The following TTC8 variants were observed in gnomAD, a reference collection of about 807,000 sequenced individuals.
TTC8 encodes tetratricopeptide repeat domain 8.
A neutral mutation model predicts 72.5 loss-of-function variants in TTC8; 47 were observed. The observed-to-expected ratio is 0.65, with a 90% CI of 0.51 to 0.83. The LOEUF is 0.83. Ranked by LOEUF, TTC8 falls within the 40% of genes least tolerant of loss-of-function variation. TTC8 has a pLI of 0.00. For synonymous variants in TTC8, 199 were observed against 221.4 expected, an observed-to-expected ratio of 0.90 and a Z score of 0.90; for missense variants, 611 against 623.2, an observed-to-expected ratio of 0.98 and a Z score of 0.21.
At position 88,876,785 on chromosome 14, in the gene TTC8, A is replaced by C. The variant is rs1378818618; in HGVS notation, c.1432-509A>C. Among the ~76,000 whole-genome samples the C allele has an allele frequency of 4.6e-5, 7 of 152,128 alleles. 1 individual carries two copies. Among genetic ancestry groups the C allele is most frequent in the Admixed American group, 4.6e-4 (7 of 15,266 alleles). ...CCAGCACCACTTAAAACCTCTCAAA[A>C]CATGTTATTATGCCTTAAATACAGC... is the stretch of plus-strand genomic sequence containing the variant. On this transcript the variant is annotated intron_variant, in intron 14 of 14. Transcript: ENST00000380656.
chr14:88,839,308 C>T, intron 2 of TTC8, 144 bp from the exon 3 acceptor site: 5 of 761,412 alleles, frequency 6.6e-6, no homozygotes, highest in Non-Finnish European at 1.0e-5. Flanking sequence ...TTTGACATGG[C>T]CCTTTAAATT....
intron 14 of TTC8, 129 bp downstream of exon 14, chr14:88,875,238 A>T: frequency 1.3e-6 from 1 of 760,350 alleles, no homozygotes; most frequent in Non-Finnish European, 2.2e-6. Context: ...AAAACTCTTA[A>T]TTACTGCATT....
At chr14:88,829,129 G>A (rs1595925726) in intron 1 of TTC8, among the ~76,000 whole-genome samples, 2 of 152,264 alleles carry the variant, frequency 1.3e-5, no homozygotes, top group African/African-American at 4.8e-5. Context: ...GCCAGCCGGG[G>A]TCTGTAAGCA....
intron 1 of TTC8, among the ~76,000 whole-genome samples, chr14:88,831,294 T>A (rs1188998722): frequency 6.6e-6 from 1 of 152,198 alleles, no homozygotes; most frequent in Non-Finnish European, 1.5e-5. Context: ...AAGTTCTAAA[T>A]AACTTGTTCC....
intron 12 of TTC8, 58 bp from the exon 13 acceptor site, chr14:88,872,272 A>C: frequency 1.9e-6 from 3 of 1,609,322 alleles, no homozygotes; most frequent in Non-Finnish European, 1.7e-6. Flanking sequence ...CCTATGAGGA[A>C]AGAAGGGAGG....
Position 88,841,024 on chromosome 14 carries a change from A to T in TTC8, c.330-13A>T. On this transcript the variant is annotated splice_polypyrimidine_tract_variant and intron_variant, in intron 4 of 14. Transcript: ENST00000380656. ...GATCTTCTTTGTATTATAACAATTT[A>T]TAATCTTCACAGGCCAATCACACAA... is the stretch of plus-strand genomic sequence containing the variant. The T allele has an allele frequency of 6.2e-7, 1 of 1,614,108 alleles. No homozygotes were observed. Among genetic ancestry groups the T allele is most frequent in the Non-Finnish European group, 8.5e-7 (1 of 1,179,994 alleles).
chr14:88,868,655 C>G lies in TTC8; in HGVS notation c.910-1404C>G, dbSNP rs73329022. Among the ~76,000 whole-genome samples the G allele has an allele frequency of 8.7e-3, 1,323 of 152,126 alleles. 15 individuals are homozygous for G. The highest frequency in any genetic ancestry group is 0.03 in the African/African-American group (1,266 of 41,518). ...AAAATGGATAGCATCTTTTTATGGC[C>G]AAGTGGCAGTTGCCATGTAGTTGTC... On this transcript the variant is annotated intron_variant, in intron 10 of 14. Transcript: ENST00000380656.
At chr14:88,830,729 T>G (rs1253724045) in intron 1 of TTC8, 5 of 408,388 alleles carry the variant, frequency 1.2e-5, no homozygotes, top group African/African-American at 6.2e-5. Context: ...AGAAATAGTT[T>G]GCTAGACTAA....
chr14:88,846,594 A>G, intron 7 of TTC8: 1 of 1,417,362 alleles, frequency 7.1e-7, no homozygotes, highest in Non-Finnish European at 9.5e-7. Flanking sequence ...TTTTTTATTA[A>G]TAGATTCATC....
intron 1 of TTC8, among the ~76,000 whole-genome samples, chr14:88,828,377 C>T (rs1248324659): frequency 4.6e-5 from 7 of 152,178 alleles, no homozygotes; most frequent in Non-Finnish European, 1.0e-4. Flanking sequence ...GTCCTCTGCT[C>T]CGCAGTTAGC....
intron 7 of TTC8, chr14:88,846,777 G>T: frequency 1.7e-6 from 1 of 589,502 alleles, no homozygotes; most frequent in Admixed American, 4.1e-5. Flanking sequence ...AGTTCTTCAT[G>T]CATATGAACT....
chr14:88,879,826 A>G (rs10132832), downstream of TTC8: 51,563 of 151,722 alleles, frequency 0.34, 9,027 homozygotes, highest in Non-Finnish European at 0.39. Flanking sequence ...ACAGGCATGC[A>G]CCACCACACC....
intron 10 of TTC8, among the ~76,000 whole-genome samples, chr14:88,862,974 G>T (rs934099056): frequency 1.4e-5 from 2 of 146,456 alleles, no homozygotes; most frequent in Admixed American, 7.2e-5. Flanking sequence ...GGTTTTCCTG[G>T]CCCTTTGCTC....
intron 8 of TTC8, among the ~76,000 whole-genome samples, chr14:88,856,112 A>C (rs2094854880): frequency 6.6e-6 from 1 of 152,162 alleles, no homozygotes; most frequent in Non-Finnish European, 1.5e-5. Context: ...TGTTCAGTTG[A>C]TGTTGTGTAC....
At chr14:88,834,013 G>T in intron 2 of TTC8, 1 of 429,796 alleles carries the variant, frequency 2.3e-6, no homozygotes, top group East Asian at 4.5e-5. Flanking sequence ...AAAGAAGGAG[G>T]TGAGGGGAAC....
At chr14:88,824,636 C>T, upstream of TTC8, 1 of 1,319,088 alleles carries the variant, frequency 7.6e-7, no homozygotes, top group African/African-American at 1.5e-5. Flanking sequence ...CAGAGTCGGA[C>T]GCCGCCAGCT....
At chr14:88,874,233 C>A (rs1188157863) in intron 13 of TTC8, among the ~76,000 whole-genome samples, 2 of 151,946 alleles carry the variant, frequency 1.3e-5, no homozygotes, top group African/African-American at 4.8e-5. Context: ...ATCTTTCATT[C>A]TATATTAGCT....
chr14:88,831,673 TGTTGTCTGTATACCTACAG>T (rs2094726758), intron 1 of TTC8, among the ~76,000 whole-genome samples: 1 of 152,202 alleles, frequency 6.6e-6, no homozygotes, highest in Non-Finnish European at 1.5e-5. Context: ...TGTTAGCTGC[TGTTGTCTGTATACCTACAG>T]ATATTTGCAT....
Position 88,877,539 on chromosome 14 carries a change from G to C in TTC8, c.*129G>C. On this transcript the variant is annotated 3_prime_UTR_variant, in exon 15 of 15. Coordinates refer to ENST00000380656, the MANE Select transcript of TTC8 (RefSeq NM_144596.4). The stretch of plus-strand genomic sequence containing the variant: ...CAAACCTGTCCTTGATATTAGTTAA[G>C]GTGACACATAAGGGTGACACAGAAT... 1.3e-6 allele frequency: 1 copy of C among 768,880 alleles called. No homozygotes were observed. Among genetic ancestry groups the C allele is most frequent in the Non-Finnish European group, 2.3e-6 (1 of 431,338 alleles). 47.6% of individuals were successfully genotyped at this position (768,880 alleles called of 1,614,324 possible).
Sources: allele counts gnomAD v4.1 joint callset (sites outside exome capture counted in the v4.1 genomes callset), GRCh38; gene constraint gnomAD v4.1.1; transcripts MANE v1.5; gene names NCBI Gene and HGNC (gene_info 2026-07-23, HGNC 2026-07-21).